FHIT: variants seen among roughly 807,000 people sequenced by gnomAD.
FHIT encodes the protein bis(5'-adenosyl)-triphosphatase.
In FHIT, 19 loss-of-function variants were observed where a neutral mutation model predicts 17.9. The ratio of observed to expected loss-of-function variants is 1.06; its 90% CI spans 0.74 to 1.56. The LOEUF (loss-of-function observed/expected upper bound fraction) is 1.56, where lower values mean the gene tolerates loss of function less well. Among genes scored for constraint, FHIT ranks in the 40% most tolerant of loss-of-function variants. The pLI, the probability that FHIT is intolerant of heterozygous loss-of-function variation, is 0.00. For missense variants in FHIT, 248 were observed against 189.2 expected (o/e 1.31, Z -1.82); for synonymous variants, 81 against 69.7 (o/e 1.16, Z -0.81).
In FHIT at chr3:60,014,137, G is replaced by A. The variant is rs372629322; in HGVS notation, c.119C>T (p.Pro40Leu). Residue 40 changes from proline (P) to leucine (L), a missense_variant, in exon 6 of 10, where the codon CCG (proline) becomes CTG (leucine). Physicochemically the swap from Pro to Leu is moderately conservative, Grantham distance 98. Coordinates refer to ENST00000492590, the MANE Select transcript of FHIT (RefSeq NM_002012.4). The part of the protein sequence containing the change: ...PVVPGHVLVC[P>L]LRPVERFHDL... Reference sequence around the variant, plus strand: ...ATGGAAGCGCTCCACTGGCCGCAGCGGGCACACAAGGACATCTGTAGCAAG... The same window carrying A: ...ATGGAAGCGCTCCACTGGCCGCAGCAGGCACACAAGGACATCTGTAGCAAG... 4.4e-5 allele frequency: 71 copies of A among 1,613,888 alleles called. No individual in the cohort carries two copies. The Middle Eastern group carries it at 4.9e-4, about 11-fold the overall frequency.
chr3:61,159,366 A>C lies in FHIT; in HGVS notation c.-164+41251T>G, dbSNP rs186346954. On this transcript the variant is annotated intron_variant, in intron 2 of 9. Coordinates refer to ENST00000492590, the MANE Select transcript of FHIT (RefSeq NM_002012.4). Reference sequence around the variant, plus strand: ...AAAAGTTCCCCTCCCTGCAGAGACGAAGTCCCACAATAGGGTGCACAAGCT... The same window carrying C: ...AAAAGTTCCCCTCCCTGCAGAGACGCAGTCCCACAATAGGGTGCACAAGCT... 1.2e-4 allele frequency among the ~76,000 whole-genome samples: 18 copies of C among 152,324 alleles called. No homozygotes were observed. The East Asian group carries it at 3.1e-3, about 26-fold the overall frequency.
intron 5 of FHIT, among the ~76,000 whole-genome samples, chr3:60,313,969 G>A (rs111788667): frequency 7.9e-5 from 12 of 152,332 alleles, no homozygotes; most frequent in South Asian, 4.1e-4. Context: ...GTGCACTGGC[G>A]TTGAAATCTT....
chr3:61,160,073 C>A (rs1281917339), intron 2 of FHIT, among the ~76,000 whole-genome samples: 1 of 152,202 alleles, frequency 6.6e-6, no homozygotes, highest in African/African-American at 2.4e-5. Context: ...CAGTTTATTA[C>A]AATCACCAGG....
chr3:60,895,830 A>C (rs1223006430), intron 3 of FHIT, among the ~76,000 whole-genome samples: 11 of 124,924 alleles, frequency 8.8e-5, no homozygotes, highest in African/African-American at 3.1e-4. Context: ...TTTTTTTTTT[A>C]ATCAGTTTTT....
chr3:60,043,673 CAGAT>C (rs56288645), intron 5 of FHIT, among the ~76,000 whole-genome samples: 4 of 123,592 alleles, frequency 3.2e-5, no homozygotes, highest in South Asian at 2.6e-4. Flanking sequence ...TATAGATAGA[CAGAT>C]AGATAGATAG....
chr3:60,741,592 T>C (rs782012753), intron 4 of FHIT, among the ~76,000 whole-genome samples: 9 of 152,242 alleles, frequency 5.9e-5, no homozygotes, highest in Non-Finnish European at 1.0e-4. Flanking sequence ...CCCAGGCATA[T>C]TGACTTTGTA....
chr3:59,913,304 T>C (rs1559724784), intron 8 of FHIT, among the ~76,000 whole-genome samples: 3 of 152,220 alleles, frequency 2.0e-5, no homozygotes, highest in East Asian at 1.9e-4. Flanking sequence ...AAAATCGCTT[T>C]TCTCCCTATA....
intron 5 of FHIT, among the ~76,000 whole-genome samples, chr3:60,052,646 C>T (rs212040): frequency 0.1 from 15,163 of 151,706 alleles, 882 homozygotes; most frequent in African/African-American, 0.15. Context: ...AACCAAACCA[C>T]CTGATCTTTT....
chr3:59,871,267 G>A (rs1251479424), intron 8 of FHIT, among the ~76,000 whole-genome samples: 2 of 152,158 alleles, frequency 1.3e-5, no homozygotes, highest in Non-Finnish European at 2.9e-5. Context: ...TGAAGCCAGT[G>A]AGAGCAATAT....
rs75740422 is a variant in FHIT, at chr3:60,441,855, GT to G, written c.103+95004del. Among the ~76,000 whole-genome samples, 83 of 115,592 alleles carry G rather than the reference GT, an allele frequency of 7.2e-4. 1 individual carries two copies. The highest frequency in any genetic ancestry group is 1.2e-3 in the African/African-American group (37 of 31,306). 75.8% of individuals were successfully genotyped at this position (115,592 alleles called of 152,430 possible). A position where few individuals can be genotyped will look rare whatever the true frequency, so the allele number is the denominator to read the frequency against. ...TCCCGCTCATTCTTTTTTTAGTTGT[GT>G]TTTTTTTTTTTTAATTTTAAGAGAC... On this transcript the variant is annotated intron_variant, in intron 5 of 9. Coordinates refer to ENST00000492590, the MANE Select transcript of FHIT (RefSeq NM_002012.4).
At chr3:60,653,385 T>C (rs2040041005) in intron 4 of FHIT, among the ~76,000 whole-genome samples, 1 of 152,166 alleles carries the variant, frequency 6.6e-6, no homozygotes, top group Admixed American at 6.5e-5. Flanking sequence ...GTAGGCAACG[T>C]TGGAAAAAAT....
intron 5 of FHIT, among the ~76,000 whole-genome samples, chr3:60,100,487 C>T (rs1704146799): frequency 6.6e-6 from 1 of 152,124 alleles, no homozygotes; most frequent in South Asian, 2.1e-4. Flanking sequence ...AGAATTGTGT[C>T]ATTTTAAAAA....
chr3:60,321,687 G>C (rs959915120), intron 5 of FHIT, among the ~76,000 whole-genome samples: 4 of 152,184 alleles, frequency 2.6e-5, no homozygotes, highest in African/African-American at 9.6e-5. Flanking sequence ...TATTGAAGCT[G>C]CTCTATCAAA....
chr3:60,113,028 A>G (rs1026758938), intron 5 of FHIT, among the ~76,000 whole-genome samples: 3 of 152,146 alleles, frequency 2.0e-5, no homozygotes, highest in Non-Finnish European at 4.4e-5. Context: ...CTGCTTACAT[A>G]ACATCTAATC....
In FHIT at chr3:59,752,257, TCTG is replaced by T; in HGVS notation, c.410_412del (p.Ala137del). ...AAAGTAGACCCGCAGAGCTGCGGCT[TCTG>T]CTGCCATTTCCTCCTCTGATCTCCA... On this transcript the variant is annotated inframe_deletion, in exon 9 of 10. Coordinates refer to ENST00000492590, the MANE Select transcript of FHIT (RefSeq NM_002012.4). 6.2e-7 allele frequency: 1 copy of T among 1,613,292 alleles called. No individual in the cohort carries two copies. Among genetic ancestry groups the T allele is most frequent in the Non-Finnish European group, 8.5e-7 (1 of 1,179,558 alleles).
At chr3:60,152,048 G>T (rs1030847801) in intron 5 of FHIT, among the ~76,000 whole-genome samples, 1 of 152,086 alleles carries the variant, frequency 6.6e-6, no homozygotes, top group African/African-American at 2.4e-5. Flanking sequence ...GTGAATAAAT[G>T]AATCAATCAA....
At chr3:60,452,950 T>A (rs412104) in intron 5 of FHIT, among the ~76,000 whole-genome samples, 1 of 151,554 alleles carries the variant, frequency 6.6e-6, no homozygotes, top group African/African-American at 2.4e-5. Context: ...AATGGAAAAT[T>A]AGTCATTTCT....
intron 5 of FHIT, among the ~76,000 whole-genome samples, chr3:60,417,203 T>C (rs973450075): frequency 1.3e-5 from 2 of 152,168 alleles, no homozygotes; most frequent in African/African-American, 4.8e-5. Flanking sequence ...TCTATGCTAA[T>C]ACTATGTTAG....
intron 5 of FHIT, among the ~76,000 whole-genome samples, chr3:60,307,024 G>A (rs1251206275): frequency 1.3e-5 from 2 of 152,040 alleles, no homozygotes; most frequent in Non-Finnish European, 2.9e-5. Flanking sequence ...GTATTCTTTA[G>A]ACTTCCACAT....
Sources: gnomAD v4.1 joint callset for allele counts (sites outside exome capture counted in the v4.1 genomes callset) on GRCh38, gnomAD v4.1.1 for gene constraint, MANE v1.5 for transcripts, NCBI Gene and HGNC (gene_info 2026-07-23, HGNC 2026-07-21) for gene names.